GRIK4: variants seen among roughly 807,000 people sequenced by gnomAD.
GRIK4 encodes glutamate receptor ionotropic, kainate 4.
In GRIK4, 40 loss-of-function variants were observed where a neutral mutation model predicts 104.9. That is an observed-to-expected ratio of 0.38 (90% CI 0.30 to 0.50). The LOEUF is 0.50. Ranked by LOEUF, GRIK4 falls within the 20% of genes least tolerant of loss-of-function variation. The pLI, the probability that GRIK4 is intolerant of heterozygous loss-of-function variation, is 0.93. For synonymous variants in GRIK4, 485 were observed against 524.9 expected (o/e 0.92, Z 1.04); for missense variants, 1,047 against 1,308.1 (o/e 0.80, Z 3.08).
At chr11:120,756,195 A>G (rs1432230240) in intron 3 of GRIK4, among the ~76,000 whole-genome samples, 2 of 152,192 alleles carry the variant, frequency 1.3e-5, no homozygotes, top group African/African-American at 4.8e-5. Context: ...CACCACCCTT[A>G]GGAATAATAG....
chr11:120,764,702 C>T (rs1001118085), intron 3 of GRIK4, among the ~76,000 whole-genome samples: 1 of 151,714 alleles, frequency 6.6e-6, no homozygotes, highest in Non-Finnish European at 1.5e-5. Context: ...TTTTATTTCT[C>T]TTTTACTTAT....
chr11:120,856,422 C>T (rs1053270426), intron 8 of GRIK4, among the ~76,000 whole-genome samples: 4 of 152,060 alleles, frequency 2.6e-5, no homozygotes, highest in Non-Finnish European at 5.9e-5. Context: ...ATCAGAGGCA[C>T]GATCTCCATT....
At chr11:120,970,914 A>G (rs954218979) in intron 19 of GRIK4, among the ~76,000 whole-genome samples, 1 of 152,174 alleles carries the variant, frequency 6.6e-6, no homozygotes, top group Non-Finnish European at 1.5e-5. Context: ...ACTTCACTCC[A>G]TAGATGCCCT....
In GRIK4 at chr11:120,967,266, A is replaced by C. The variant is rs1944400837; in HGVS notation, c.2338A>C (p.Lys780Gln). ...LQENNRLEIL[K>Q]RKWWEGGKCP... ...GGAGAACAACCGCCTGGAGATCCTG[A>C]AGCGCAAATGGTGGGAAGGAGGGAA... The change falls in exon 19 of 21, where the codon AAG (lysine) becomes CAG (glutamine). Residue 780 changes from lysine to glutamine, a missense_variant. Lys to Gln is a moderately conservative substitution (Grantham distance 53). This residue lies in a region of GRIK4 where 440 missense variants were observed against 652.3 expected (regional missense o/e 0.67). Transcript: ENST00000527524. The surrounding 1 kb of genome is among the most constrained non-coding windows in gnomAD (Gnocchi z 4.2). 1 of 1,613,720 alleles carries C rather than the reference A, an allele frequency of 6.2e-7. No homozygotes were observed.
intron 1 of GRIK4, among the ~76,000 whole-genome samples, chr11:120,565,899 G>C (rs1171995699): frequency 6.6e-6 from 1 of 152,220 alleles, no homozygotes; most frequent in African/African-American, 2.4e-5. Flanking sequence ...AAATCTAGGA[G>C]AAAGAGTTGA....
intron 1 of GRIK4, among the ~76,000 whole-genome samples, chr11:120,532,556 G>A (rs2136082163): frequency 6.6e-6 from 1 of 152,308 alleles, no homozygotes; most frequent in Admixed American, 6.5e-5. Flanking sequence ...TGAGCCGGCT[G>A]GCTGCTTAAA....
Position 120,930,066 on chromosome 11 carries a change from G to A in GRIK4, c.1477-10281G>A, listed in dbSNP as rs142796436. 1.3e-3 allele frequency among the ~76,000 whole-genome samples: 192 copies of A among 152,130 alleles called. 1 individual carries two copies. Among genetic ancestry groups the A allele is most frequent in the African/African-American group, 4.4e-3 (182 of 41,526 alleles). On this transcript the variant is annotated intron_variant, in intron 13 of 20. Coordinates refer to ENST00000527524, the MANE Select transcript of GRIK4 (RefSeq NM_014619.5). ...ACTGGCTCTTCACTAGGGACTGACT[G>A]TGTGCCCTCTTGGGGAAAGTCACTG...
chr11:120,720,978 T>TATTCATTCATTC (rs35714376), intron 3 of GRIK4, among the ~76,000 whole-genome samples: 40 of 150,728 alleles, frequency 2.7e-4, no homozygotes, highest in South Asian at 8.5e-4. Context: ...TTCATTCACG[T>TATTCATTCATTC]ATTCATTCAT....
At chr11:120,619,238 G>C (rs758692202) in intron 1 of GRIK4, among the ~76,000 whole-genome samples, 1 of 152,196 alleles carries the variant, frequency 6.6e-6, no homozygotes, top group Non-Finnish European at 1.5e-5. Flanking sequence ...TTTTGTACTT[G>C]CATGGGAGCT....
chr11:120,837,383 G>A lies in GRIK4; in HGVS notation c.744+539G>A, dbSNP rs1953600969. Among the ~76,000 whole-genome samples the A allele has an allele frequency of 2.6e-5, 4 of 152,076 alleles. No individual in the cohort carries two copies. In the South Asian group the frequency reaches 8.3e-4, roughly 32 times the overall value. On this transcript the variant is annotated intron_variant, in intron 8 of 20. Coordinates refer to ENST00000527524, the MANE Select transcript of GRIK4 (RefSeq NM_014619.5). ...AGGAATTTAGTGTGACCTTTCTTCTGGTATAGGGACTCCCACAACAGGCTT... is the reference window on the plus strand; with the variant it reads ...AGGAATTTAGTGTGACCTTTCTTCTAGTATAGGGACTCCCACAACAGGCTT...
chr11:120,693,251 T>G (rs1950394635), intron 3 of GRIK4, among the ~76,000 whole-genome samples: 1 of 150,936 alleles, frequency 6.6e-6, no homozygotes, highest in Non-Finnish European at 1.5e-5. Flanking sequence ...ATTATAGGCA[T>G]GCACCACCAT....
chr11:120,788,169 G>T (rs1364637910), intron 3 of GRIK4, among the ~76,000 whole-genome samples: 2 of 152,056 alleles, frequency 1.3e-5, no homozygotes, highest in African/African-American at 4.8e-5. Context: ...ACATCCGGCT[G>T]CCTTGCATTA....
chr11:120,604,439 A>C (rs368947564), intron 1 of GRIK4, among the ~76,000 whole-genome samples: 1 of 152,200 alleles, frequency 6.6e-6, no homozygotes, highest in Non-Finnish European at 1.5e-5. Context: ...AAAGCTAACT[A>C]TGCTACCAAG....
intron 3 of GRIK4, among the ~76,000 whole-genome samples, chr11:120,770,477 T>G (rs1283557461): frequency 6.6e-6 from 1 of 152,242 alleles, no homozygotes; most frequent in Non-Finnish European, 1.5e-5. Context: ...CTGACCTTGC[T>G]CCATCCTTTA....
intron 3 of GRIK4, among the ~76,000 whole-genome samples, chr11:120,742,586 A>G (rs1395823732): frequency 6.6e-6 from 1 of 151,876 alleles, no homozygotes; most frequent in Non-Finnish European, 1.5e-5. Flanking sequence ...GGTGCTAAGA[A>G]TGGCTATTAT....
intron 4 of GRIK4, among the ~76,000 whole-genome samples, chr11:120,808,804 T>C (rs1952768341): frequency 6.6e-6 from 1 of 152,190 alleles, no homozygotes; most frequent in Admixed American, 6.5e-5. Context: ...AGAGGGAGAC[T>C]GCACCCTCTG....
chr11:120,834,262 A>AGG (rs1953512572), intron 7 of GRIK4, among the ~76,000 whole-genome samples: 1 of 86,852 alleles, frequency 1.2e-5, no homozygotes, highest in African/African-American at 4.5e-5. Flanking sequence ...AACACTTTAT[A>AGG]GGTGTGTGTG....
intron 3 of GRIK4, among the ~76,000 whole-genome samples, chr11:120,709,482 A>G (rs891951164): frequency 1.3e-5 from 2 of 152,144 alleles, no homozygotes; most frequent in Admixed American, 6.5e-5. Context: ...CTTATCTTCT[A>G]CTGCAGTTTT....
chr11:120,525,906 A>C (rs536633676), intron 1 of GRIK4, among the ~76,000 whole-genome samples: 2 of 152,312 alleles, frequency 1.3e-5, no homozygotes, highest in Non-Finnish European at 2.9e-5. Context: ...CTGTTTGCTC[A>C]GCAATAAAAT....
Sources: allele counts gnomAD v4.1 joint callset (sites outside exome capture counted in the v4.1 genomes callset), GRCh38; gene constraint gnomAD v4.1.1; regional missense constraint gnomAD v4.1.1; non-coding constraint Gnocchi (gnomAD v3.1); transcripts MANE v1.5; gene names NCBI Gene and HGNC (gene_info 2026-07-23, HGNC 2026-07-21).